Variants in RPA3 observed in about 807,000 individuals in gnomAD.
The protein encoded by RPA3 is replication protein A3.
In RPA3, 24 loss-of-function variants were observed where a neutral mutation model predicts 13.7. That is an observed-to-expected ratio of 1.75 (90% CI 1.27 to 2.46). The LOEUF (loss-of-function observed/expected upper bound fraction) is 2.46, where lower values mean the gene tolerates loss of function less well. Ranked by LOEUF, RPA3 falls within the 30% of genes most tolerant of loss-of-function variation. The probability of loss-of-function intolerance (pLI) is 0.00; values close to 1 mark genes in which losing one functional copy is unlikely to be tolerated. For synonymous variants in RPA3, 59 were observed against 51.2 expected, an observed-to-expected ratio of 1.15 and a Z score of -0.65; for missense variants, 183 against 151.0, an observed-to-expected ratio of 1.21 and a Z score of -1.11.
intron 2 of RPA3, among the ~76,000 whole-genome samples, chr7:7,694,961 C>G (rs1040919046): frequency 3.9e-5 from 6 of 152,260 alleles, no homozygotes; most frequent in Admixed American, 3.9e-4. Flanking sequence ...AGGAACCTCC[C>G]TACTGTTCTC....
At chr7:7,688,909 C>A (rs927384269) in intron 2 of RPA3, among the ~76,000 whole-genome samples, 1 of 152,058 alleles carries the variant, frequency 6.6e-6, no homozygotes, top group Admixed American at 6.6e-5. Context: ...GGTATTTTCT[C>A]CAATGAAAAT....
intron 2 of RPA3, among the ~76,000 whole-genome samples, chr7:7,696,778 T>C (rs1780329321): frequency 6.6e-6 from 1 of 152,170 alleles, no homozygotes; most frequent in African/African-American, 2.4e-5. Context: ...TTATTAACTC[T>C]ATAGGTAGGG....
chr7:7,711,319 C>T (rs1280215160), intron 2 of RPA3, among the ~76,000 whole-genome samples: 1 of 152,146 alleles, frequency 6.6e-6, no homozygotes, highest in African/African-American at 2.4e-5. Flanking sequence ...TACATGTCTC[C>T]TGGTGCACAT....
chr7:7,661,703 C>A (rs1052845984), intron 4 of RPA3, among the ~76,000 whole-genome samples: 1 of 152,180 alleles, frequency 6.6e-6, no homozygotes, highest in Admixed American at 6.5e-5. Context: ...GGGCACCCAC[C>A]AGATGCCAGC....
intron 4 of RPA3, among the ~76,000 whole-genome samples, chr7:7,664,566 T>C (rs534378643): frequency 2.0e-5 from 3 of 152,330 alleles, no homozygotes; most frequent in South Asian, 4.1e-4. Context: ...GGTTAATCTC[T>C]TTGCTTTCCT....
In RPA3 at chr7:7,637,881, T is replaced by C. The variant is rs1398145823; in HGVS notation, c.266A>G (p.Glu89Gly). 4.3e-6 allele frequency: 7 copies of C among 1,612,820 alleles called. No individual in the cohort carries two copies. In the East Asian group the frequency reaches 1.6e-4, roughly 36 times the overall value. Reference sequence around the variant, plus strand: ...TTATTTACCAAAAGGATGGCTATCTTCTTTAAACTGGACATAAGATGTACA... The same window carrying C: ...TTATTTACCAAAAGGATGGCTATCTCCTTTAAACTGGACATAAGATGTACA... ...ILCTSYVQFKEDSHPFDLGLY... is the reference protein window; with the variant it reads ...ILCTSYVQFKGDSHPFDLGLY... The change falls in exon 7 of 8, where the codon GAA becomes GGA. Residue 89 changes from glutamate to glycine, a missense_variant. Coordinates refer to ENST00000223129, the MANE Select transcript of RPA3 (RefSeq NM_002947.5).
chr7:7,709,594 A>G (rs1311031327), intron 2 of RPA3, among the ~76,000 whole-genome samples: 1 of 152,242 alleles, frequency 6.6e-6, no homozygotes, highest in Non-Finnish European at 1.5e-5. Context: ...ATGGTTTGTC[A>G]GAAGTCACCT....
At chr7:7,662,285 C>G (rs1785493522) in intron 4 of RPA3, among the ~76,000 whole-genome samples, 1 of 152,130 alleles carries the variant, frequency 6.6e-6, no homozygotes, top group South Asian at 2.1e-4. Flanking sequence ...CCACTTGGCT[C>G]CCTGGCTTCA....
At chr7:7,711,499 C>A (rs1191730989) in intron 2 of RPA3, among the ~76,000 whole-genome samples, 1 of 152,158 alleles carries the variant, frequency 6.6e-6, no homozygotes, top group Non-Finnish European at 1.5e-5. Flanking sequence ...ATATTATACT[C>A]TATCCTTTTT....
At chr7:7,713,775 A>G (rs1780824077) in intron 2 of RPA3, among the ~76,000 whole-genome samples, 1 of 152,010 alleles carries the variant, frequency 6.6e-6, no homozygotes, top group Non-Finnish European at 1.5e-5. Flanking sequence ...TCCAAATTTT[A>G]ATTTGTATTA....
intron 2 of RPA3, among the ~76,000 whole-genome samples, chr7:7,704,594 A>T (rs973255795): frequency 2.4e-5 from 3 of 127,638 alleles, no homozygotes; most frequent in African/African-American, 9.6e-5. Context: ...TCTCTACTAA[A>T]ATAGAAAAAA....
intron 4 of RPA3, among the ~76,000 whole-genome samples, chr7:7,664,332 C>G (rs1008069455): frequency 1.3e-5 from 2 of 152,094 alleles, no homozygotes; most frequent in Admixed American, 6.6e-5. Flanking sequence ...CTTCTTGGCT[C>G]CAGGCTCTTC....
intron 4 of RPA3, among the ~76,000 whole-genome samples, chr7:7,654,034 T>G (rs2115078813): frequency 6.6e-6 from 1 of 152,200 alleles, no homozygotes; most frequent in East Asian, 1.9e-4. Context: ...TTCCGTTCTG[T>G]TTTTCATATT....
At chr7:7,667,307 G>A (rs938243341) in intron 4 of RPA3, among the ~76,000 whole-genome samples, 1 of 152,150 alleles carries the variant, frequency 6.6e-6, no homozygotes, top group Admixed American at 6.5e-5. Context: ...AAAAAATACT[G>A]AAAACTACAG....
chr7:7,691,933 A>G (rs28912722), intron 2 of RPA3, among the ~76,000 whole-genome samples: 1 of 152,306 alleles, frequency 6.6e-6, no homozygotes, highest in Non-Finnish European at 1.5e-5. Flanking sequence ...ACTCATGCAA[A>G]TGTGGAAGGA....
Position 7,640,732 on chromosome 7 carries a change from A to T in RPA3, c.-314T>A, listed in dbSNP as rs960158174. The T allele has an allele frequency of 7.4e-5, 22 of 295,924 alleles. No homozygotes were observed. Among genetic ancestry groups the T allele is most frequent in the African/African-American group, 4.6e-4 (21 of 45,218 alleles). The allele number at this position is 295,924 out of a possible 1,614,324, so 18.3% of individuals were successfully genotyped here. ...CGGAACCTGAGACTACCTTTCTGCG[A>T]TCACAGGATTCCCGGCGGTGACTTG... is the stretch of plus-strand genomic sequence containing the variant. On this transcript the variant is annotated 5_prime_UTR_variant, in exon 5 of 8. Transcript: ENST00000223129.
At chr7:7,646,875 C>T (rs1420321989) in intron 4 of RPA3, among the ~76,000 whole-genome samples, 1 of 152,052 alleles carries the variant, frequency 6.6e-6, no homozygotes, top group Non-Finnish European at 1.5e-5. Flanking sequence ...TATATGGGCA[C>T]AGAATAGGGG....
intron 4 of RPA3, among the ~76,000 whole-genome samples, chr7:7,651,604 G>A (rs1219782619): frequency 6.6e-6 from 1 of 152,182 alleles, no homozygotes; most frequent in East Asian, 1.9e-4. Flanking sequence ...AGGAGAGACT[G>A]TGTCAGATTA....
chr7:7,653,342 CTTCT>C (rs1251043894), intron 4 of RPA3, among the ~76,000 whole-genome samples: 10 of 152,130 alleles, frequency 6.6e-5, no homozygotes, highest in Non-Finnish European at 1.5e-4. Context: ...TGTAAATTGC[CTTCT>C]TTGTCAGTGA....
Sources: gnomAD v4.1 joint callset for allele counts (sites outside exome capture counted in the v4.1 genomes callset) on GRCh38, gnomAD v4.1.1 for gene constraint, MANE v1.5 for transcripts, NCBI Gene and HGNC (gene_info 2026-07-23, HGNC 2026-07-21) for gene names.